The following HNF4G variants were observed in gnomAD, a reference collection of about 807,000 sequenced individuals.
HNF4G encodes the protein hepatocyte nuclear factor 4 gamma.
HNF4G carries 21 observed loss-of-function variants against 50.9 expected under a neutral mutation model. The ratio of observed to expected loss-of-function variants is 0.41; its 90% confidence interval spans 0.29 to 0.59. The LOEUF is 0.59. Ranked by LOEUF, HNF4G falls within the 20% of genes least tolerant of loss-of-function variation. The probability of loss-of-function intolerance (pLI) is 0.26; values close to 1 mark genes in which losing one functional copy is unlikely to be tolerated. For missense variants in HNF4G, 527 were observed against 559.4 expected (o/e 0.94, Z 0.58); for synonymous variants, 198 against 185.6 (o/e 1.07, Z -0.54).
At chr8:75,539,312 G>A (rs1806547766), upstream of HNF4G, among the ~76,000 whole-genome samples, 1 of 152,168 alleles carries the variant, frequency 6.6e-6, no homozygotes, top group Non-Finnish European at 1.5e-5. Context: ...CCTATAAATA[G>A]ATAATTAAAG....
chr8:75,507,343 T>C (rs1805611914), intron 2 of HNF4G, among the ~76,000 whole-genome samples: 1 of 149,630 alleles, frequency 6.7e-6, no homozygotes, highest in African/African-American at 2.5e-5. Flanking sequence ...CACTGCAACC[T>C]CCACCTCATG....
intron 1 of HNF4G, among the ~76,000 whole-genome samples, chr8:75,464,746 T>A (rs977476501): frequency 6.6e-6 from 1 of 152,206 alleles, no homozygotes; most frequent in Non-Finnish European, 1.5e-5. Flanking sequence ...GCTTTCTAAT[T>A]CCTCTCATTT....
chr8:75,481,528 T>C (rs1812378354), intron 1 of HNF4G, among the ~76,000 whole-genome samples: 1 of 152,144 alleles, frequency 6.6e-6, no homozygotes, highest in Admixed American at 6.5e-5. Context: ...CTTTGTTCTG[T>C]TAGGGTTGCT....
intron 1 of HNF4G, among the ~76,000 whole-genome samples, chr8:75,430,314 A>G (rs150576240): frequency 2.0e-5 from 3 of 152,304 alleles, no homozygotes; most frequent in Non-Finnish European, 4.4e-5. Context: ...TTCACTGCAT[A>G]CAGCCTAGGA....
At chr8:75,477,336 C>T (rs1812263813) in intron 1 of HNF4G, among the ~76,000 whole-genome samples, 1 of 152,056 alleles carries the variant, frequency 6.6e-6, no homozygotes, top group African/African-American at 2.4e-5. Flanking sequence ...TAGAATCACA[C>T]TATGGGGAAT....
chr8:75,476,853 A>G (rs886460389), intron 1 of HNF4G, among the ~76,000 whole-genome samples: 1 of 152,186 alleles, frequency 6.6e-6, no homozygotes, highest in African/African-American at 2.4e-5. Context: ...TGAGGTCAGG[A>G]GTCAGCTCCA....
chr8:75,553,071 T>C lies in HNF4G; in HGVS notation c.519T>C (p.Thr173=), dbSNP rs761973747. Residue 173 remains threonine (T), a synonymous_variant, in exon 5 of 10, where the codon ACT becomes ACC. Coordinates refer to ENST00000396423, the MANE Select transcript of HNF4G (RefSeq NM_004133.5). ...QISVSSPGSS[T]DINVKKIASI... ...CAGTCTCAAGCCCTGGGTCAAGCACTGACATAAACGTTAAGAAAATTGCAA... is the reference window on the plus strand; with the variant it reads ...CAGTCTCAAGCCCTGGGTCAAGCACCGACATAAACGTTAAGAAAATTGCAA... 3.1e-6 allele frequency: 5 copies of C among 1,612,194 alleles called. No homozygotes were observed. The African/African-American group carries it at 4.0e-5, about 13-fold the overall frequency.
intron 1 of HNF4G, among the ~76,000 whole-genome samples, chr8:75,449,731 T>C (rs935138009): frequency 6.6e-6 from 1 of 151,892 alleles, no homozygotes; most frequent in East Asian, 1.9e-4. Flanking sequence ...ATGGTCTCGA[T>C]CTCCTGACCT....
chr8:75,512,865 T>C (rs78954456), intron 2 of HNF4G, among the ~76,000 whole-genome samples: 7,488 of 152,272 alleles, frequency 0.049, 207 homozygotes, highest in African/African-American at 0.06. Context: ...TTTTGTCCTG[T>C]TGCATTTTAT....
chr8:75,549,812 A>G (rs1266635341), intron 3 of HNF4G, among the ~76,000 whole-genome samples: 1 of 150,396 alleles, frequency 6.6e-6, no homozygotes, highest in Non-Finnish European at 1.5e-5. Context: ...TCCTATGTCC[A>G]TGTGTTCTCA....
intron 2 of HNF4G, among the ~76,000 whole-genome samples, chr8:75,532,378 A>T (rs1304234182): frequency 6.6e-6 from 1 of 152,088 alleles, no homozygotes; most frequent in Non-Finnish European, 1.5e-5. Flanking sequence ...GTGACATTGC[A>T]TACTCTTGTA....
chr8:75,496,089 T>A (rs937696300), intron 2 of HNF4G, among the ~76,000 whole-genome samples: 19 of 152,190 alleles, frequency 1.2e-4, no homozygotes, highest in Non-Finnish European at 2.2e-4. Context: ...AAACTAATAT[T>A]TTAAAATCTG....
chr8:75,477,715 C>G (rs1169279455), intron 1 of HNF4G, among the ~76,000 whole-genome samples: 1 of 151,952 alleles, frequency 6.6e-6, no homozygotes, highest in East Asian at 1.9e-4. Flanking sequence ...CACCTGTAAA[C>G]CCAGCACTTT....
rs769288145 is a variant in HNF4G at position 75,553,105 on chromosome 8, G to A, written c.553G>A (p.Asp185Asn). Residue 185 changes from aspartate to asparagine, a missense_variant, in exon 5 of 10, where the codon GAT becomes AAT. Physicochemically the swap from Asp to Asn is conservative, Grantham distance 23. Around this residue, in one of 5 missense-constraint regions of HNF4G, gnomAD observed 128 missense variants for 135.3 expected, o/e 0.95. Transcript: ENST00000396423. Reference protein sequence around the residue: ...INVKKIASIGDVCESMKQQLL... With the variant: ...INVKKIASIGNVCESMKQQLL... ...CGTTAAGAAAATTGCAAGTATTGGT[G>A]ATGTCTGTGAATCTATGAAACAGCA... 6.2e-7 allele frequency: 1 copy of A among 1,612,628 alleles called. No individual in the cohort carries two copies. The highest frequency in any genetic ancestry group is 8.5e-7 in the Non-Finnish European group (1 of 1,178,982).
At chr8:75,516,615 C>T (rs538778735) in intron 2 of HNF4G, among the ~76,000 whole-genome samples, 1 of 152,166 alleles carries the variant, frequency 6.6e-6, no homozygotes, top group East Asian at 1.9e-4. Flanking sequence ...TACATCCTTA[C>T]TGAGTTTCTG....
intron 1 of HNF4G, among the ~76,000 whole-genome samples, chr8:75,452,828 T>C (rs1329485100): frequency 6.6e-6 from 1 of 152,264 alleles, no homozygotes; most frequent in Non-Finnish European, 1.5e-5. Context: ...CACTATTAGA[T>C]AATCAAAATA....
intron 1 of HNF4G, among the ~76,000 whole-genome samples, chr8:75,419,673 G>A (rs971657900): frequency 1.3e-5 from 2 of 152,102 alleles, no homozygotes; most frequent in Non-Finnish European, 2.9e-5. Context: ...CATGATTCAC[G>A]CCCACCAACA....
chr8:75,556,585 T>C (rs2130810140), intron 6 of HNF4G, among the ~76,000 whole-genome samples: 1 of 152,112 alleles, frequency 6.6e-6, no homozygotes, highest in East Asian at 1.9e-4. Context: ...TAAGGAAGGA[T>C]AATAGGTGTG....
chr8:75,539,808 G>T, upstream of HNF4G: 4 of 548,758 alleles, frequency 7.3e-6, no homozygotes, highest in Non-Finnish European at 1.3e-5. Context: ...TGCTGAAGAA[G>T]GTTACAGTTT....
Sources: gnomAD v4.1 joint callset for allele counts (sites outside exome capture counted in the v4.1 genomes callset) on GRCh38, gnomAD v4.1.1 for gene constraint, gnomAD v4.1.1 regional missense constraint, MANE v1.5 for transcripts, NCBI Gene and HGNC (gene_info 2026-07-23, HGNC 2026-07-21) for gene names.